Variants in IGSF11 observed in about 807,000 individuals in gnomAD.
IGSF11 encodes the protein CXADR like 1.
Under a neutral mutation model 41.0 loss-of-function variants are expected in IGSF11, and 22 were observed. That is an observed-to-expected ratio of 0.54 (90% CI 0.38 to 0.77). The LOEUF is 0.77. Among genes scored for constraint, IGSF11 ranks in the 30% least tolerant of loss-of-function variants. IGSF11 has a pLI of 0.00. For missense variants in IGSF11, 444 were observed against 530.8 expected (o/e 0.84, Z 1.61); for synonymous variants, 219 against 201.3 (o/e 1.09, Z -0.74).
intron 1 of IGSF11, among the ~76,000 whole-genome samples, chr3:119,010,243 A>G (rs997695251): frequency 3.3e-5 from 5 of 152,200 alleles, no homozygotes; most frequent in Non-Finnish European, 5.9e-5. Flanking sequence ...AGCAGTGTAC[A>G]TGAGGTTACT....
intron 1 of IGSF11, among the ~76,000 whole-genome samples, chr3:119,020,685 A>G (rs778998193): frequency 6.6e-6 from 1 of 152,214 alleles, no homozygotes; most frequent in Non-Finnish European, 1.5e-5. Flanking sequence ...TATTGAATAC[A>G]TAAGAATCAA....
chr3:119,040,787 A>T (rs952510689), intron 1 of IGSF11, among the ~76,000 whole-genome samples: 1 of 152,256 alleles, frequency 6.6e-6, no homozygotes, highest in African/African-American at 2.4e-5. Flanking sequence ...AATTCTCAAG[A>T]AATCTGACAG....
chr3:119,062,180 G>A (rs1481835337), intron 1 of IGSF11, among the ~76,000 whole-genome samples: 1 of 152,108 alleles, frequency 6.6e-6, no homozygotes, highest in African/African-American at 2.4e-5. Flanking sequence ...AGTAGAATTG[G>A]TTTTATTTGA....
At chr3:118,961,911 T>C (rs970224721) in intron 1 of IGSF11, among the ~76,000 whole-genome samples, 3 of 152,230 alleles carry the variant, frequency 2.0e-5, no homozygotes, top group Non-Finnish European at 2.9e-5. Context: ...TGTGTAAATG[T>C]TGAACCAACA....
At chr3:119,086,224 A>G (rs2076669740) in intron 1 of IGSF11, among the ~76,000 whole-genome samples, 2 of 152,214 alleles carry the variant, frequency 1.3e-5, no homozygotes, top group South Asian at 4.1e-4. Context: ...CATCTCTGAG[A>G]AACAAGGGAT....
intron 1 of IGSF11, among the ~76,000 whole-genome samples, chr3:119,144,554 T>A (rs987232144): frequency 7.9e-6 from 1 of 126,976 alleles, no homozygotes; most frequent in Non-Finnish European, 1.7e-5. Context: ...AAACAACCAA[T>A]GTGTCAAAGA....
intron 1 of IGSF11, among the ~76,000 whole-genome samples, chr3:118,933,470 T>TTATA (rs1553754813): frequency 0.022 from 3,190 of 146,128 alleles, 151 homozygotes; most frequent in African/African-American, 0.077. Context: ...CATGTATTTT[T>TTATA]TATATATATA....
At chr3:119,114,241 G>T (rs556195968) in intron 1 of IGSF11, among the ~76,000 whole-genome samples, 1 of 152,156 alleles carries the variant, frequency 6.6e-6, no homozygotes, top group Non-Finnish European at 1.5e-5. Flanking sequence ...GCTTGAATTC[G>T]TCCCCAGAAA....
chr3:119,047,833 A>T (rs1407831131), intron 1 of IGSF11, among the ~76,000 whole-genome samples: 8 of 152,170 alleles, frequency 5.3e-5, no homozygotes, highest in African/African-American at 1.9e-4. Context: ...AGAACTCAGG[A>T]TTAAGAATCT....
chr3:119,053,987 C>T (rs1358671281), intron 1 of IGSF11, among the ~76,000 whole-genome samples: 1 of 152,120 alleles, frequency 6.6e-6, no homozygotes, highest in Non-Finnish European at 1.5e-5. Flanking sequence ...AAACTGGATC[C>T]TCATCTCTCA....
At position 119,042,865 on chromosome 3, in the gene IGSF11, C is replaced by G. The variant is rs1038453265; in HGVS notation, c.49+62279G>C. Among the ~76,000 whole-genome samples, 26 of 152,142 alleles carry G rather than the reference C, an allele frequency of 1.7e-4. 1 individual carries two copies. The highest frequency in any genetic ancestry group is 1.2e-3 in the Admixed American group (19 of 15,272). ...TGGCTGGAGGCAAACCAACTCAAGC[C>G]ATTACAGCAACTCATAACAGAACAA... On this transcript the variant is annotated intron_variant, in intron 1 of 6. Transcript: ENST00000354673.
At chr3:119,046,631 G>C (rs543193992) in intron 1 of IGSF11, among the ~76,000 whole-genome samples, 4,542 of 151,830 alleles carry the variant, frequency 0.03, 238 homozygotes, top group African/African-American at 0.1. Flanking sequence ...TCAGATTCAG[G>C]AAATACAGAG....
At chr3:119,013,879 T>C (rs1375311067) in intron 1 of IGSF11, among the ~76,000 whole-genome samples, 1 of 152,248 alleles carries the variant, frequency 6.6e-6, no homozygotes, top group Non-Finnish European at 1.5e-5. Flanking sequence ...GAATCTTGAG[T>C]AATAAGATTA....
intron 1 of IGSF11, among the ~76,000 whole-genome samples, chr3:118,933,493 C>T (rs1329191870): frequency 1.3e-4 from 19 of 141,402 alleles, no homozygotes; most frequent in African/African-American, 4.9e-4. Context: ...TATATATACA[C>T]ACACACACAC....
chr3:119,112,211 G>A (rs1363158110), intron 1 of IGSF11, among the ~76,000 whole-genome samples: 1 of 152,222 alleles, frequency 6.6e-6, no homozygotes, highest in Non-Finnish European at 1.5e-5. Flanking sequence ...AGCCTACAGA[G>A]GCAGGCAGGC....
intron 1 of IGSF11, among the ~76,000 whole-genome samples, chr3:119,094,828 C>T (rs1056936219): frequency 6.6e-6 from 1 of 151,988 alleles, no homozygotes; most frequent in African/African-American, 2.4e-5. Context: ...CCTGCCACCA[C>T]ACCCAGCTAA....
intron 1 of IGSF11, among the ~76,000 whole-genome samples, chr3:119,135,817 TG>T (rs2077553153): frequency 6.6e-6 from 1 of 152,196 alleles, no homozygotes; most frequent in African/African-American, 2.4e-5. Context: ...CCAACCCAAA[TG>T]TCCACCGATA....
At chr3:119,039,878 C>G (rs1941052329) in intron 1 of IGSF11, among the ~76,000 whole-genome samples, 1 of 152,184 alleles carries the variant, frequency 6.6e-6, no homozygotes, top group Admixed American at 6.5e-5. Flanking sequence ...TGAAAGAGAT[C>G]TAACTTAACC....
intron 4 of IGSF11, among the ~76,000 whole-genome samples, chr3:118,917,277 T>G (rs1486241324): frequency 2.7e-4 from 40 of 147,634 alleles, no homozygotes; most frequent in African/African-American, 1.0e-3. Context: ...CTGAAGGAAA[T>G]AGAGACACAA....
Sources: gnomAD v4.1 joint callset for allele counts (sites outside exome capture counted in the v4.1 genomes callset) on GRCh38, gnomAD v4.1.1 for gene constraint, MANE v1.5 for transcripts, NCBI Gene and HGNC (gene_info 2026-07-23, HGNC 2026-07-21) for gene names.